Variants in DOCK5 observed in about 807,000 individuals in gnomAD.
DOCK5 encodes dedicator of cytokinesis protein 5.
DOCK5 carries 142 observed loss-of-function variants against 251.8 expected under a neutral mutation model. The observed-to-expected ratio is 0.56, with a 90% CI of 0.49 to 0.65. DOCK5 has a LOEUF of 0.65. Among genes scored for constraint, DOCK5 ranks in the 30% least tolerant of loss-of-function variants. DOCK5 has a pLI of 0.00. For synonymous variants in DOCK5, 842 were observed against 835.5 expected, an observed-to-expected ratio of 1.01 and a Z score of -0.13; for missense variants, 2,111 against 2,312.3, an observed-to-expected ratio of 0.91 and a Z score of 1.79.
intron 2 of DOCK5, among the ~76,000 whole-genome samples, chr8:25,260,021 G>A (rs1286181584): frequency 6.6e-6 from 1 of 152,240 alleles, no homozygotes; most frequent in African/African-American, 2.4e-5. Context: ...GGAAGGCGGT[G>A]AGTGTGCTGT....
intron 1 of DOCK5, among the ~76,000 whole-genome samples, chr8:25,231,347 G>A (rs1001949884): frequency 1.1e-4 from 17 of 152,112 alleles, no homozygotes; most frequent in African/African-American, 3.1e-4. Context: ...CAGTGCTTCC[G>A]TGAACTTTCT....
At chr8:25,315,320 T>C (rs1234740891) in intron 13 of DOCK5, among the ~76,000 whole-genome samples, 3 of 151,762 alleles carry the variant, frequency 2.0e-5, no homozygotes, top group African/African-American at 7.3e-5. Context: ...TCCCATACCC[T>C]GCAGACGAGG....
At chr8:25,317,299 T>C (rs1040055877) in intron 14 of DOCK5, 168 bp downstream of exon 14, 4 of 960,588 alleles carry the variant, frequency 4.2e-6, no homozygotes, top group Admixed American at 5.0e-5. Context: ...GCAGTTTCAC[T>C]AAGGAAGCTA....
At chr8:25,323,783 G>C (rs1010173556) in intron 16 of DOCK5, 65 bp from the exon 17 acceptor site, 1 of 1,544,968 alleles carries the variant, frequency 6.5e-7, no homozygotes, top group African/African-American at 1.4e-5. Context: ...ATGTGAAATC[G>C]TGTCATAGCC....
At chr8:25,229,632 T>C (rs551164791) in intron 1 of DOCK5, among the ~76,000 whole-genome samples, 1 of 152,268 alleles carries the variant, frequency 6.6e-6, no homozygotes, top group South Asian at 2.1e-4. Context: ...TTGCGACTAA[T>C]TGTATCTCAA....
chr8:25,410,128 G>A lies in DOCK5; in HGVS notation c.5434G>A (p.Ala1812Thr), dbSNP rs563250912. 54 of 1,613,414 alleles carry A rather than the reference G, an allele frequency of 3.3e-5. 1 individual carries two copies. The highest frequency in any genetic ancestry group is 1.7e-4 in the African/African-American group (13 of 74,924). The change falls in exon 51 of 52, where the codon GCG (alanine) becomes ACG (threonine). Residue 1812 changes from alanine (A) to threonine (T), a missense_variant. This residue lies in a region of DOCK5 where 1,717 missense variants were observed against 1,892.4 expected (regional missense o/e 0.91). Transcript: ENST00000276440. Reference sequence around the variant, plus strand: ...CCCATCGTTGCAGACAGATGGAATCGCGGCCACTCCTGTCCCACCTCCACC... The same window carrying A: ...CCCATCGTTGCAGACAGATGGAATCACGGCCACTCCTGTCCCACCTCCACC... ...SSPSLQTDGI[A>T]ATPVPPPPPP...
intron 5 of DOCK5, among the ~76,000 whole-genome samples, chr8:25,291,617 AG>A (rs1804488737): frequency 6.8e-6 from 1 of 146,284 alleles, no homozygotes; most frequent in African/African-American, 2.5e-5. Flanking sequence ...TGGGAGGTGG[AG>A]GTTACAGTTA....
At chr8:25,246,127 A>G (rs367939618) in intron 2 of DOCK5, among the ~76,000 whole-genome samples, 2 of 152,076 alleles carry the variant, frequency 1.3e-5, no homozygotes, top group African/African-American at 4.8e-5. Flanking sequence ...GTAACATGCT[A>G]TGTCTTACTC....
chr8:25,395,876 C>A, intron 45 of DOCK5, 157 bp downstream of exon 45: 1 of 960,222 alleles, frequency 1.0e-6, no homozygotes, highest in Non-Finnish European at 1.6e-6. Flanking sequence ...ACGATTGTCC[C>A]TGACTTCTTA....
chr8:25,224,592 G>A (rs1802481488), intron 1 of DOCK5, among the ~76,000 whole-genome samples: 1 of 152,232 alleles, frequency 6.6e-6, no homozygotes, highest in African/African-American at 2.4e-5. Flanking sequence ...TCAACTAGGG[G>A]AGAGAAACTT....
chr8:25,285,829 A>G (rs543250167), intron 5 of DOCK5, among the ~76,000 whole-genome samples: 2 of 152,326 alleles, frequency 1.3e-5, no homozygotes, highest in East Asian at 3.9e-4. Flanking sequence ...AGGGCATTTT[A>G]TCTGGGAGTT....
chr8:25,197,750 A>ATTTTTTTTTTTT (rs71214555), intron 1 of DOCK5, among the ~76,000 whole-genome samples: 1 of 95,762 alleles, frequency 1.0e-5, no homozygotes, highest in African/African-American at 3.7e-5. Context: ...TGCCAAGCTA[A>ATTTTTTTTTTTT]TTTTTTTTTT....
intron 13 of DOCK5, among the ~76,000 whole-genome samples, chr8:25,312,235 T>C (rs1805118062): frequency 6.6e-6 from 1 of 152,184 alleles, no homozygotes; most frequent in Non-Finnish European, 1.5e-5. Context: ...AGTAGTAATA[T>C]TCTCTACCTG....
At position 25,280,637 on chromosome 8, in the gene DOCK5, T is replaced by TA. The variant is rs200179070; in HGVS notation, c.321+1973dup. 4.3e-3 allele frequency among the ~76,000 whole-genome samples: 649 copies of TA among 152,364 alleles called. 1 individual carries two copies. Among genetic ancestry groups the TA allele is most frequent in the Non-Finnish European group, 5.2e-3 (351 of 68,038 alleles). On this transcript the variant is annotated intron_variant, in intron 5 of 51. Transcript: ENST00000276440. ...TTTCCCTCTGGACAATAGAAGCACT[T>TA]ACTGCTAAACTCATCATCTGACCCT...
At chr8:25,355,528 C>A (rs967097498) in intron 27 of DOCK5, among the ~76,000 whole-genome samples, 1 of 152,108 alleles carries the variant, frequency 6.6e-6, no homozygotes, top group Non-Finnish European at 1.5e-5. Flanking sequence ...CGGCTCACTG[C>A]GACCTCCACC....
chr8:25,392,039 C>G (rs565030969), intron 43 of DOCK5, 59 bp downstream of exon 43: 48 of 1,513,138 alleles, frequency 3.2e-5, no homozygotes, highest in Non-Finnish European at 4.4e-5. Context: ...CACGGTGGCT[C>G]ACGCCTGTAA....
rs1224692763 is a variant in DOCK5 at position 25,411,340 on chromosome 8, G to A, written c.*42G>A. ...GCAACACCGAGTGCCTTAGACAGCT[G>A]CTGCCTGAGAACTGGCCTCCAGCCG... On this transcript the variant is annotated 3_prime_UTR_variant, in exon 52 of 52. Coordinates refer to ENST00000276440, the MANE Select transcript of DOCK5 (RefSeq NM_024940.8). 1 of 1,403,366 alleles carries A rather than the reference G, an allele frequency of 7.1e-7. No homozygotes were observed. The highest frequency in any genetic ancestry group is 9.3e-7 in the Non-Finnish European group (1 of 1,075,234). 86.9% of individuals were successfully genotyped at this position (1,403,366 alleles called of 1,614,324 possible). A position where few individuals can be genotyped will look rare whatever the true frequency, so the allele number is the denominator to read the frequency against.
chr8:25,265,938 G>A (rs111783793), intron 2 of DOCK5, among the ~76,000 whole-genome samples: 2 of 151,930 alleles, frequency 1.3e-5, no homozygotes, highest in Non-Finnish European at 2.9e-5. Context: ...CTGGATTAGA[G>A]CAATCCCAAG....
At chr8:25,339,703 C>T (rs929957938) in intron 22 of DOCK5, among the ~76,000 whole-genome samples, 4 of 152,222 alleles carry the variant, frequency 2.6e-5, no homozygotes, top group South Asian at 4.1e-4. Context: ...AACCCAGTGT[C>T]GGGAGAGAGA....
Sources: gnomAD v4.1 joint callset for allele counts (sites outside exome capture counted in the v4.1 genomes callset) on GRCh38, gnomAD v4.1.1 for gene constraint, gnomAD v4.1.1 regional missense constraint, MANE v1.5 for transcripts, NCBI Gene and HGNC (gene_info 2026-07-23, HGNC 2026-07-21) for gene names.